The following C16orf74 variants were observed in gnomAD, a reference collection of about 807,000 sequenced individuals.
C16orf74 encodes calcimembrin, also known as uncharacterized protein C16orf74.
C16orf74 carries 10 observed loss-of-function variants against 6.5 expected under a neutral mutation model. The observed-to-expected ratio is 1.54, with a 90% CI of 0.95 to 2.61. The LOEUF (loss-of-function observed/expected upper bound fraction) is 2.61, where lower values mean the gene tolerates loss of function less well. Ranked by LOEUF, C16orf74 falls within the 30% of genes most tolerant of loss-of-function variation. The pLI, the probability that C16orf74 is intolerant of heterozygous loss-of-function variation, is 0.00. For missense variants in C16orf74, 141 were observed against 105.9 expected (o/e 1.33, Z -1.45); for synonymous variants, 60 against 42.5 (o/e 1.41, Z -1.60).
chr16:85,739,301 G>T (rs535466455), intron 1 of C16orf74, among the ~76,000 whole-genome samples: 3 of 152,176 alleles, frequency 2.0e-5, no homozygotes, highest in Non-Finnish European at 4.4e-5. Flanking sequence ...CCTGCACAAA[G>T]TACTCGGATT....
intron 2 of C16orf74, among the ~76,000 whole-genome samples, chr16:85,726,808 T>G (rs548012580): frequency 6.6e-6 from 1 of 152,152 alleles, no homozygotes; most frequent in South Asian, 2.1e-4. Flanking sequence ...GCTACCATCC[T>G]CTCCGGCGTT....
intron 2 of C16orf74, among the ~76,000 whole-genome samples, chr16:85,726,202 G>T (rs188445489): frequency 6.6e-6 from 1 of 152,042 alleles, no homozygotes; most frequent in Non-Finnish European, 1.5e-5. Flanking sequence ...CAGCCTGCTG[G>T]GTGTGTGTTT....
intron 3 of C16orf74, among the ~76,000 whole-genome samples, chr16:85,709,360 A>G (rs1313089380): frequency 6.6e-6 from 1 of 152,184 alleles, no homozygotes; most frequent in Non-Finnish European, 1.5e-5. Flanking sequence ...TCTCAAAAAA[A>G]TAAATAAATA....
chr16:85,725,884 C>T (rs1350472132), intron 2 of C16orf74, among the ~76,000 whole-genome samples: 5 of 152,098 alleles, frequency 3.3e-5, no homozygotes, highest in African/African-American at 7.2e-5. Flanking sequence ...CCTGTATTAC[C>T]GCACCTGGCC....
intron 1 of C16orf74, among the ~76,000 whole-genome samples, chr16:85,739,549 C>A (rs897816864): frequency 1.3e-5 from 2 of 152,180 alleles, no homozygotes; most frequent in Admixed American, 6.5e-5. Context: ...ACTGTTGAGA[C>A]TGGGAGATAG....
chr16:85,732,883 G>A (rs1048818564), intron 2 of C16orf74, among the ~76,000 whole-genome samples: 1 of 152,112 alleles, frequency 6.6e-6, no homozygotes, highest in Non-Finnish European at 1.5e-5. Flanking sequence ...TAGCAGCTCT[G>A]GGGCCGACAG....
At chr16:85,721,040 A>T (rs1407023544) in intron 2 of C16orf74, among the ~76,000 whole-genome samples, 1 of 152,096 alleles carries the variant, frequency 6.6e-6, no homozygotes, top group African/African-American at 2.4e-5. Flanking sequence ...GCAGTGAACC[A>T]AGATCGCGCC....
chr16:85,718,326 A>C (rs1011903602), intron 2 of C16orf74, among the ~76,000 whole-genome samples: 7 of 152,152 alleles, frequency 4.6e-5, no homozygotes, highest in African/African-American at 1.7e-4. Flanking sequence ...TTGGCCTCCC[A>C]AAGTCCTGGG....
At position 85,749,665 on chromosome 16, in the gene C16orf74, G is replaced by A. The variant is rs574339784; in HGVS notation, c.-19+1261C>T. ...GATTAAAACAGAAAACGCAGGGTCT[G>A]GTGCATGAGGAGTGCTCCGTAAGCA... is the stretch of plus-strand genomic sequence containing the variant. On this transcript the variant is annotated intron_variant, in intron 1 of 3. Transcript: ENST00000284245. Among the ~76,000 whole-genome samples, 8 of 152,328 alleles carry A rather than the reference G, an allele frequency of 5.3e-5. No individual in the cohort carries two copies. In the South Asian group the frequency reaches 1.4e-3, roughly 28 times the overall value.
At chr16:85,743,056 T>G (rs2054327825) in intron 1 of C16orf74, among the ~76,000 whole-genome samples, 1 of 152,190 alleles carries the variant, frequency 6.6e-6, no homozygotes, top group Non-Finnish European at 1.5e-5. Context: ...AATTCCACAG[T>G]GTGGCCTGTT....
chr16:85,732,825 T>C (rs1237172492), intron 2 of C16orf74, among the ~76,000 whole-genome samples: 2 of 152,026 alleles, frequency 1.3e-5, no homozygotes, highest in Non-Finnish European at 2.9e-5. Flanking sequence ...GAAAAATGGA[T>C]GGACAAGCCA....
intron 1 of C16orf74, among the ~76,000 whole-genome samples, chr16:85,745,396 G>A (rs1020326057): frequency 6.6e-6 from 1 of 152,162 alleles, no homozygotes; most frequent in African/African-American, 2.4e-5. Flanking sequence ...CAGCCTTGAA[G>A]GCAGGTGCCA....
chr16:85,710,213 C>A lies in C16orf74; in HGVS notation c.123G>T (p.Thr41=). 6.7e-7 allele frequency: 1 copy of A among 1,498,430 alleles called. No homozygotes were observed. The highest frequency in any genetic ancestry group is 8.8e-7 in the Non-Finnish European group (1 of 1,135,572). The allele number at this position is 1,498,430 out of a possible 1,614,324, so 92.8% of individuals were successfully genotyped here. The change falls in exon 3 of 4, where the codon ACG becomes ACT. Residue 41 remains threonine (T), a synonymous_variant. Coordinates refer to ENST00000284245, the MANE Select transcript of C16orf74 (RefSeq NM_206967.3). ...KHLDVPDIII[T]PPTPTGMMLP... is the part of the protein sequence containing the mutation. ...GCATCATGCCCGTGGGGGTGGGGGG[C>A]GTGATGATGATGTCGGGCACGTCCA...
intron 2 of C16orf74, among the ~76,000 whole-genome samples, chr16:85,733,819 A>T (rs2054216123): frequency 6.6e-6 from 1 of 152,152 alleles, no homozygotes. Flanking sequence ...TCTGTCCGGC[A>T]TCCCATCCCG....
chr16:85,712,340 G>A (rs2053978554), intron 2 of C16orf74, among the ~76,000 whole-genome samples: 1 of 152,200 alleles, frequency 6.6e-6, no homozygotes. Context: ...TGATGTTTAA[G>A]CCACAAAGTT....
At chr16:85,744,656 C>A (rs1224141633) in intron 1 of C16orf74, among the ~76,000 whole-genome samples, 1 of 151,878 alleles carries the variant, frequency 6.6e-6, no homozygotes. Context: ...CGGTGAAACC[C>A]TGTCTCTACT....
intron 2 of C16orf74, among the ~76,000 whole-genome samples, chr16:85,714,952 C>G (rs905760747): frequency 4.0e-5 from 6 of 151,022 alleles, no homozygotes; most frequent in South Asian, 2.1e-4. Context: ...GTCAGGAGAT[C>G]GAGACCATCC....
At chr16:85,716,300 G>C (rs968395393) in intron 2 of C16orf74, among the ~76,000 whole-genome samples, 1 of 148,628 alleles carries the variant, frequency 6.7e-6, no homozygotes, top group Non-Finnish European at 1.5e-5. Flanking sequence ...GAGAGGGAAG[G>C]AGGGAGAAGA....
intron 2 of C16orf74, among the ~76,000 whole-genome samples, chr16:85,715,000 CA>C (rs796113953): frequency 1.3e-5 from 2 of 151,024 alleles, no homozygotes; most frequent in Non-Finnish European, 3.0e-5. Flanking sequence ...ACTAAAAATA[CA>C]AAAAAATTAG....
Sources: allele counts gnomAD v4.1 joint callset (sites outside exome capture counted in the v4.1 genomes callset), GRCh38; gene constraint gnomAD v4.1.1; transcripts MANE v1.5; gene names NCBI Gene and HGNC (gene_info 2026-07-23, HGNC 2026-07-21).